Variants in PPP2R5C observed in about 807,000 individuals in gnomAD.
PPP2R5C encodes the protein serine/threonine-protein phosphatase 2A 56 kDa regulatory subunit gamma isoform.
PPP2R5C carries 7 observed loss-of-function variants against 68.9 expected under a neutral mutation model. That is an observed-to-expected ratio of 0.10 (90% confidence interval 0.06 to 0.19). The LOEUF (loss-of-function observed/expected upper bound fraction) is 0.19, where lower values mean the gene tolerates loss of function less well. Among genes scored for constraint, PPP2R5C ranks in the 10% least tolerant of loss-of-function variants. The probability of loss-of-function intolerance (pLI) is 1.00; values close to 1 mark genes in which losing one functional copy is unlikely to be tolerated. For missense variants in PPP2R5C, 348 were observed against 641.3 expected (o/e 0.54, Z 4.94); for synonymous variants, 210 against 222.2 (o/e 0.95, Z 0.49).
chr14:101,875,505 G>A lies in PPP2R5C; in HGVS notation c.295-6656G>A, dbSNP rs2043704810. 2.0e-5 allele frequency among the ~76,000 whole-genome samples: 3 copies of A among 152,182 alleles called. No homozygotes were observed. The South Asian group carries it at 6.2e-4, about 32-fold the overall frequency. On this transcript the variant is annotated intron_variant, in intron 2 of 13. Transcript: ENST00000334743. The stretch of plus-strand genomic sequence containing the variant: ...AATTAATTGGTGTTGCAGTTAATAA[G>A]GTGACTGATGCGTGCTTTTCCCAGG...
intron 5 of PPP2R5C, among the ~76,000 whole-genome samples, chr14:101,887,175 G>A (rs989747745): frequency 2.0e-5 from 3 of 152,246 alleles, no homozygotes; most frequent in Admixed American, 2.0e-4. Context: ...GCTTAAGTGT[G>A]AGTTAAACAG....
intron 2 of PPP2R5C, among the ~76,000 whole-genome samples, chr14:101,778,095 G>A (rs1048803995): frequency 1.4e-4 from 21 of 152,266 alleles, no homozygotes; most frequent in Admixed American, 1.2e-3. Flanking sequence ...TTTTCAGTTT[G>A]AAAAAGAATA....
chr14:101,794,883 C>A (rs1330495439), intron 3 of PPP2R5C, among the ~76,000 whole-genome samples: 1 of 152,126 alleles, frequency 6.6e-6, no homozygotes, highest in Non-Finnish European at 1.5e-5. Context: ...TCAGTTGATT[C>A]TTTTGAATAT....
chr14:101,864,033 G>C (rs543691596), intron 2 of PPP2R5C, among the ~76,000 whole-genome samples: 2 of 152,270 alleles, frequency 1.3e-5, no homozygotes, highest in Admixed American at 1.3e-4. Context: ...TAACTGTTTT[G>C]AATAATCGTC....
At chr14:101,881,743 A>G (rs751455723) in intron 2 of PPP2R5C, among the ~76,000 whole-genome samples, 1 of 152,180 alleles carries the variant, frequency 6.6e-6, no homozygotes, top group Non-Finnish European at 1.5e-5. Flanking sequence ...AGCCCTTGCC[A>G]TTTCCAGCAT....
upstream of PPP2R5C, among the ~76,000 whole-genome samples, chr14:101,806,696 A>G (rs545994398): frequency 2.9e-4 from 44 of 152,212 alleles, no homozygotes; most frequent in Non-Finnish European, 6.3e-4. Flanking sequence ...ATGGTGGCTC[A>G]TGCCTGCAAT....
At chr14:101,804,967 A>G (rs1799501631), upstream of PPP2R5C, among the ~76,000 whole-genome samples, 1 of 152,206 alleles carries the variant, frequency 6.6e-6, no homozygotes. Flanking sequence ...GTATCAAGAC[A>G]TCTCTTGTGT....
At chr14:101,843,139 G>T (rs1406105273) in intron 1 of PPP2R5C, among the ~76,000 whole-genome samples, 1 of 152,098 alleles carries the variant, frequency 6.6e-6, no homozygotes, top group African/African-American at 2.4e-5. Flanking sequence ...GGGGTGGGAG[G>T]ATCGCTTGAG....
At chr14:101,768,439 C>T (rs527925489) in intron 2 of PPP2R5C, among the ~76,000 whole-genome samples, 1 of 152,152 alleles carries the variant, frequency 6.6e-6, no homozygotes, top group Admixed American at 6.5e-5. Context: ...TAAAGCTGAA[C>T]GTTTTTAAAT....
At chr14:101,811,159 C>A (rs2039336444) in intron 1 of PPP2R5C, among the ~76,000 whole-genome samples, 1 of 152,162 alleles carries the variant, frequency 6.6e-6, no homozygotes, top group Admixed American at 6.5e-5. Context: ...TCCAAACTAT[C>A]TTTCATGAAG....
intron 2 of PPP2R5C, among the ~76,000 whole-genome samples, chr14:101,764,801 C>CT (rs34973768): frequency 0.063 from 8,189 of 129,242 alleles, 344 homozygotes; most frequent in Non-Finnish European, 0.086. Flanking sequence ...TGCTATATGC[C>CT]TTTTTTTTTT....
intron 12 of PPP2R5C, chr14:101,914,117 A>G: frequency 2.2e-6 from 1 of 447,844 alleles, no homozygotes; most frequent in Non-Finnish European, 4.4e-6. Flanking sequence ...AATGTTCTCA[A>G]GTAACTTTCT....
chr14:101,834,179 T>C (rs1373656620), intron 1 of PPP2R5C, among the ~76,000 whole-genome samples: 3 of 152,292 alleles, frequency 2.0e-5, no homozygotes, highest in South Asian at 2.1e-4. Flanking sequence ...TTATATCCCA[T>C]GTGAAGAGTC....
At chr14:101,793,921 A>G (rs1182582382) in intron 3 of PPP2R5C, among the ~76,000 whole-genome samples, 2 of 152,176 alleles carry the variant, frequency 1.3e-5, no homozygotes, top group Admixed American at 1.3e-4. Flanking sequence ...TTACGCCATC[A>G]AGTTGTCCCT....
chr14:101,828,867 C>T (rs946492871), intron 1 of PPP2R5C, among the ~76,000 whole-genome samples: 1 of 151,808 alleles, frequency 6.6e-6, no homozygotes, highest in Non-Finnish European at 1.5e-5. Flanking sequence ...TTAATAGAGA[C>T]GGGGTTTCAT....
At chr14:101,918,948 C>T (rs573183961) in intron 13 of PPP2R5C, among the ~76,000 whole-genome samples, 4 of 151,988 alleles carry the variant, frequency 2.6e-5, no homozygotes, top group Non-Finnish European at 5.9e-5. Context: ...AAAGACATCC[C>T]CTTCTAAAAT....
At chr14:101,802,455 C>T (rs1397865484) in intron 3 of PPP2R5C, among the ~76,000 whole-genome samples, 3 of 152,050 alleles carry the variant, frequency 2.0e-5, no homozygotes, top group African/African-American at 7.2e-5. Context: ...CCCTTACCTT[C>T]ATAACACATA....
intron 3 of PPP2R5C, among the ~76,000 whole-genome samples, chr14:101,793,396 C>A (rs2038453345): frequency 1.3e-5 from 2 of 152,294 alleles, no homozygotes; most frequent in East Asian, 3.9e-4. Context: ...GGATATTTCC[C>A]TGACCACTTC....
rs2044251766 is a variant in PPP2R5C, at chr14:101,882,949, C to T, written c.406-308C>T. 1.2e-5 allele frequency: 3 copies of T among 257,072 alleles called. No homozygotes were observed. Among genetic ancestry groups the T allele is most frequent in the Non-Finnish European group, 2.2e-5 (3 of 136,358 alleles). The allele number at this position is 257,072 out of a possible 1,614,324, so 15.9% of individuals were successfully genotyped here. On this transcript the variant is annotated intron_variant, in intron 3 of 13. Transcript: ENST00000334743. This position sits in a 1 kb window ranked among gnomAD's most constrained non-coding sequence, Gnocchi z 4.9. ...GCAAATCCCCCCTGCAGAGTTGGGT[C>T]ATGGCTTGGTTTGTGGCATCTGTGC...
Sources: allele counts gnomAD v4.1 joint callset (sites outside exome capture counted in the v4.1 genomes callset), GRCh38; gene constraint gnomAD v4.1.1; non-coding constraint Gnocchi (gnomAD v3.1); transcripts MANE v1.5; gene names NCBI Gene and HGNC (gene_info 2026-07-23, HGNC 2026-07-21).